DPP10: variants seen among roughly 807,000 people sequenced by gnomAD.
The protein encoded by DPP10 is dipeptidyl peptidase like 10.
A neutral mutation model predicts 120.9 loss-of-function variants in DPP10; 33 were observed. That is an observed-to-expected ratio of 0.27 (90% CI 0.21 to 0.37). The LOEUF is 0.37. Among genes scored for constraint, DPP10 ranks in the 10% least tolerant of loss-of-function variants. The pLI, the probability that DPP10 is intolerant of heterozygous loss-of-function variation, is 1.00. For missense variants in DPP10, 816 were observed against 942.8 expected (o/e 0.87, Z 1.76); for synonymous variants, 337 against 326.1 (o/e 1.03, Z -0.36).
Position 115,613,033 on chromosome 2 carries a change from C to A in DPP10, c.442-76654C>A, listed in dbSNP as rs1005100183. ...GTGTGTAGCCACAACTACTACATGA[C>A]CTTCATGCTTTACTGCTGAGAGAAT... On this transcript the variant is annotated intron_variant, in intron 5 of 25. Coordinates refer to ENST00000410059, the MANE Select transcript of DPP10 (RefSeq NM_020868.6). Among the ~76,000 whole-genome samples the A allele has an allele frequency of 2.6e-5, 4 of 152,118 alleles. No homozygotes were observed. The South Asian group carries it at 8.3e-4, about 31-fold the overall frequency.
chr2:115,017,148 G>C (rs1050111527), intron 1 of DPP10, among the ~76,000 whole-genome samples: 3 of 150,990 alleles, frequency 2.0e-5, no homozygotes, highest in Non-Finnish European at 4.4e-5. Flanking sequence ...CATGGCACAT[G>C]TATACATACG....
chr2:115,634,104 G>T lies in DPP10; in HGVS notation c.442-55583G>T, dbSNP rs182739365. On this transcript the variant is annotated intron_variant, in intron 5 of 25. Coordinates refer to ENST00000410059, the MANE Select transcript of DPP10 (RefSeq NM_020868.6). ...TTATTGATACTTGTATTTGCATTGTGAAGTTATTGTGTTGTGTTTTTCAGC... is the reference window on the plus strand; with the variant it reads ...TTATTGATACTTGTATTTGCATTGTTAAGTTATTGTGTTGTGTTTTTCAGC... Among the ~76,000 whole-genome samples the T allele has an allele frequency of 3.9e-5, 6 of 152,078 alleles. No homozygotes were observed. The East Asian group carries it at 1.2e-3, about 30-fold the overall frequency.
chr2:115,141,371 C>T (rs540453808), intron 1 of DPP10, among the ~76,000 whole-genome samples: 1 of 152,334 alleles, frequency 6.6e-6, no homozygotes, highest in South Asian at 2.1e-4. Flanking sequence ...CCGCTTCACA[C>T]ATATTATCTT....
chr2:114,657,470 T>G (rs999591711), intron 1 of DPP10, among the ~76,000 whole-genome samples: 1 of 152,196 alleles, frequency 6.6e-6, no homozygotes, highest in Non-Finnish European at 1.5e-5. Context: ...TTTAAATAAA[T>G]TCAGCTTGTC....
At chr2:115,517,887 A>G (rs1282098274) in intron 4 of DPP10, among the ~76,000 whole-genome samples, 1 of 152,188 alleles carries the variant, frequency 6.6e-6, no homozygotes, top group Non-Finnish European at 1.5e-5. Flanking sequence ...TAATTTACGT[A>G]AAAGATGTTT....
chr2:114,684,505 G>A (rs144855425), intron 1 of DPP10, among the ~76,000 whole-genome samples: 1 of 152,024 alleles, frequency 6.6e-6, no homozygotes, highest in Non-Finnish European at 1.5e-5. Flanking sequence ...CAATGCTAGT[G>A]TGCTAGTAGA....
intron 5 of DPP10, among the ~76,000 whole-genome samples, chr2:115,531,195 A>G (rs2078444876): frequency 6.6e-6 from 1 of 150,500 alleles, no homozygotes; most frequent in Admixed American, 6.7e-5. Flanking sequence ...GTACATGCTC[A>G]GCATAGCAGC....
At chr2:115,689,761 T>C in intron 6 of DPP10, 22 bp downstream of exon 6, 2 of 1,607,028 alleles carry the variant, frequency 1.2e-6, no homozygotes, top group African/African-American at 1.3e-5. Flanking sequence ...GATTTTCTAG[T>C]TTTCATGAGC....
intron 2 of DPP10, among the ~76,000 whole-genome samples, chr2:115,332,946 G>T (rs764843841): frequency 6.6e-6 from 1 of 152,086 alleles, no homozygotes; most frequent in Non-Finnish European, 1.5e-5. Flanking sequence ...GGTCCACTTG[G>T]TGCAGTGCTG....
At chr2:115,377,322 A>C (rs541129314) in intron 3 of DPP10, among the ~76,000 whole-genome samples, 56 of 151,878 alleles carry the variant, frequency 3.7e-4, no homozygotes, top group African/African-American at 1.3e-3. Context: ...GCATTTTTTC[A>C]TGTGTTTTTT....
chr2:114,922,379 C>T (rs1382132428), intron 1 of DPP10, among the ~76,000 whole-genome samples: 1 of 152,198 alleles, frequency 6.6e-6, no homozygotes, highest in African/African-American at 2.4e-5. Flanking sequence ...ATGGCATGAA[C>T]TCAGCTCACT....
intron 1 of DPP10, among the ~76,000 whole-genome samples, chr2:114,633,523 G>A (rs539879565): frequency 2.0e-4 from 30 of 151,250 alleles, no homozygotes; most frequent in African/African-American, 5.8e-4. Context: ...CAAAGTGCTC[G>A]GATTACAGGC....
chr2:115,030,832 A>G (rs1703791925), intron 1 of DPP10, among the ~76,000 whole-genome samples: 1 of 152,164 alleles, frequency 6.6e-6, no homozygotes, highest in Admixed American at 6.6e-5. Flanking sequence ...AAATTAGTTC[A>G]AAAATTGGGG....
chr2:114,837,343 C>T (rs958289444), intron 1 of DPP10, among the ~76,000 whole-genome samples: 4 of 152,130 alleles, frequency 2.6e-5, no homozygotes, highest in African/African-American at 9.7e-5. Context: ...CGTTCCGGGT[C>T]CCTGACTTCC....
intron 5 of DPP10, among the ~76,000 whole-genome samples, chr2:115,631,301 A>T (rs1317488971): frequency 1.3e-5 from 2 of 151,688 alleles, no homozygotes; most frequent in Non-Finnish European, 2.9e-5. Flanking sequence ...TGTCTATATG[A>T]TTCTTTTTTC....
chr2:114,958,648 A>C (rs897731898), intron 1 of DPP10, among the ~76,000 whole-genome samples: 4 of 152,208 alleles, frequency 2.6e-5, no homozygotes, highest in Admixed American at 1.3e-4. Flanking sequence ...CAAAATATTT[A>C]CAATTATTAT....
intron 1 of DPP10, among the ~76,000 whole-genome samples, chr2:114,501,241 AAAT>A (rs1288660903): frequency 6.6e-6 from 1 of 152,124 alleles, no homozygotes; most frequent in African/African-American, 2.4e-5. Context: ...CTTAAAGCAA[AAAT>A]AATAATATTA....
intron 4 of DPP10, among the ~76,000 whole-genome samples, chr2:115,506,595 T>C (rs1324987026): frequency 1.3e-5 from 2 of 152,152 alleles, no homozygotes; most frequent in Admixed American, 1.3e-4. Flanking sequence ...TATAAAAATC[T>C]ATGTTTATTT....
intron 1 of DPP10, among the ~76,000 whole-genome samples, chr2:115,268,865 T>C (rs1053576601): frequency 6.6e-6 from 1 of 152,176 alleles, no homozygotes; most frequent in Non-Finnish European, 1.5e-5. Flanking sequence ...TTTAAGAAGC[T>C]CAGTCCGGGT....
Sources: gnomAD v4.1 joint callset for allele counts (sites outside exome capture counted in the v4.1 genomes callset) on GRCh38, gnomAD v4.1.1 for gene constraint, MANE v1.5 for transcripts, NCBI Gene and HGNC (gene_info 2026-07-23, HGNC 2026-07-21) for gene names.